Variants in CSPP1 observed in about 807,000 individuals in gnomAD.
The protein encoded by CSPP1 is centrosome and spindle pole-associated protein 1.
Under a neutral mutation model 164.4 loss-of-function variants are expected in CSPP1, and 126 were observed. The observed-to-expected ratio is 0.77, with a 90% CI of 0.66 to 0.89. The LOEUF (loss-of-function observed/expected upper bound fraction) is 0.89, where lower values mean the gene tolerates loss of function less well. Ranked by LOEUF, CSPP1 falls within the 40% of genes least tolerant of loss-of-function variation. CSPP1 has a pLI of 0.00. For synonymous variants in CSPP1, 472 were observed against 476.7 expected, an observed-to-expected ratio of 0.99 and a Z score of 0.13; for missense variants, 1,395 against 1,449.8, an observed-to-expected ratio of 0.96 and a Z score of 0.61.
intron 17 of CSPP1, among the ~76,000 whole-genome samples, chr8:67,139,757 A>C (rs1332173513): frequency 2.6e-5 from 4 of 151,944 alleles, no homozygotes; most frequent in African/African-American, 9.7e-5. Flanking sequence ...AAAACCAAAC[A>C]CCGCATGTTC....
In CSPP1 at chr8:67,095,524, G is replaced by T; in HGVS notation, c.715G>T (p.Val239Leu). 2.5e-6 allele frequency: 4 copies of T among 1,613,706 alleles called. No homozygotes were observed. The highest frequency in any genetic ancestry group is 3.4e-6 in the Non-Finnish European group (4 of 1,179,906). ...AATTATTAAAAAAGCAAATGAAGAA[G>T]TGGGCATTTCCAACCTAAAACATCA... Reference protein sequence around the residue: ...RRIIKKANEEVGISNLKHQRF... With the variant: ...RRIIKKANEELGISNLKHQRF... Residue 239 changes from valine to leucine, a missense_variant, in exon 7 of 31, where the codon GTG becomes TTG. Coordinates refer to ENST00000678616, the MANE Select transcript of CSPP1 (RefSeq NM_001382391.1).
chr8:67,136,181 T>G (rs944052992), intron 16 of CSPP1, among the ~76,000 whole-genome samples: 2 of 152,108 alleles, frequency 1.3e-5, no homozygotes, highest in Admixed American at 6.5e-5. Context: ...TACCAAAATG[T>G]GACACAGAGA....
intron 3 of CSPP1, among the ~76,000 whole-genome samples, chr8:67,077,857 C>T (rs1263654588): frequency 1.3e-5 from 2 of 152,190 alleles, no homozygotes; most frequent in Non-Finnish European, 2.9e-5. Context: ...TTTGTCTCTG[C>T]ATTAGACAAA....
chr8:67,078,864 T>C (rs898144057), intron 3 of CSPP1, among the ~76,000 whole-genome samples: 1 of 152,024 alleles, frequency 6.6e-6, no homozygotes, highest in Non-Finnish European at 1.5e-5. Flanking sequence ...TCCTAGCTAC[T>C]TGGGAGGCTG....
chr8:67,086,367 A>G, intron 4 of CSPP1: 1 of 481,714 alleles, frequency 2.1e-6, no homozygotes, highest in East Asian at 4.4e-5. Flanking sequence ...GAGATCGTTA[A>G]TTATGGTTTT....
chr8:67,153,907 A>G (rs921267450), intron 18 of CSPP1, 117 bp from the exon 19 acceptor site: 2 of 573,406 alleles, frequency 3.5e-6, no homozygotes, highest in Non-Finnish European at 6.1e-6. Flanking sequence ...TCTGATTTTA[A>G]TCTTTGGACT....
chr8:67,090,361 C>T (rs1418659679), intron 4 of CSPP1, among the ~76,000 whole-genome samples: 1 of 152,124 alleles, frequency 6.6e-6, no homozygotes, highest in Non-Finnish European at 1.5e-5. Flanking sequence ...TCTTGGCTTG[C>T]TGCAACCTCC....
At chr8:67,100,270 C>T (rs1813779033) in intron 7 of CSPP1, among the ~76,000 whole-genome samples, 1 of 152,120 alleles carries the variant, frequency 6.6e-6, no homozygotes, top group Admixed American at 6.5e-5. Context: ...TAAATAAAAT[C>T]ATTTCTTAAA....
At chr8:67,142,632 T>G (rs7018327) in intron 17 of CSPP1, among the ~76,000 whole-genome samples, 5,437 of 152,278 alleles carry the variant, frequency 0.036, 202 homozygotes, top group African/African-American at 0.082. Context: ...AAACATTCAC[T>G]TACAGATCTT....
chr8:67,186,986 T>C (rs978391350), intron 28 of CSPP1, among the ~76,000 whole-genome samples: 2 of 147,968 alleles, frequency 1.4e-5, no homozygotes, highest in African/African-American at 2.7e-5. Flanking sequence ...TCTATCTATC[T>C]ATCTATCTAT....
intron 24 of CSPP1, among the ~76,000 whole-genome samples, chr8:67,166,610 C>T (rs1257819690): frequency 1.3e-5 from 2 of 152,118 alleles, no homozygotes; most frequent in Non-Finnish European, 2.9e-5. Flanking sequence ...TAGGTCAATA[C>T]GTTCCAAGCA....
At chr8:67,069,461 A>G (rs1203229581) in intron 1 of CSPP1, among the ~76,000 whole-genome samples, 1 of 152,164 alleles carries the variant, frequency 6.6e-6, no homozygotes, top group Non-Finnish European at 1.5e-5. Context: ...ATGTTAAATA[A>G]TTACAGTAAA....
chr8:67,150,138 T>A (rs1340800329), intron 18 of CSPP1, among the ~76,000 whole-genome samples: 1 of 152,152 alleles, frequency 6.6e-6, no homozygotes, highest in Non-Finnish European at 1.5e-5. Context: ...TACTTCTTCC[T>A]ACTGTGTTTC....
intron 1 of CSPP1, 53 bp downstream of exon 1, chr8:67,064,591 G>C (rs1585742874): frequency 2.0e-6 from 3 of 1,493,158 alleles, no homozygotes; most frequent in African/African-American, 2.8e-5. Context: ...GGCTGCATTC[G>C]CTGCCCCGGA....
intron 3 of CSPP1, among the ~76,000 whole-genome samples, chr8:67,079,146 G>A (rs76814570): frequency 0.035 from 5,336 of 151,972 alleles, 196 homozygotes; most frequent in African/African-American, 0.08. Flanking sequence ...TACATTCCCC[G>A]AGTGTCCATA....
intron 28 of CSPP1, among the ~76,000 whole-genome samples, chr8:67,186,959 AATCTATCTATCATCT>A (rs1296231172): frequency 2.0e-5 from 3 of 148,282 alleles, no homozygotes; most frequent in African/African-American, 5.0e-5. Flanking sequence ...CTGAGGTATA[AATCTATCTATCATCT>A]ATCTATCTAT....
intron 28 of CSPP1, among the ~76,000 whole-genome samples, chr8:67,184,039 G>GACTAAAAAT (rs1184490406): frequency 6.6e-6 from 1 of 152,030 alleles, no homozygotes. Flanking sequence ...TTTTAGTAGA[G>GACTAAAAAT]ACGGGGTTTC....
chr8:67,081,234 G>C (rs999557899), intron 3 of CSPP1: 3 of 130,398 alleles, frequency 2.3e-5, no homozygotes, highest in Admixed American at 7.5e-5. Context: ...AATGATTTAC[G>C]TTGTTCGTGT....
intron 8 of CSPP1, among the ~76,000 whole-genome samples, chr8:67,105,696 A>C (rs1815356768): frequency 6.6e-6 from 1 of 152,088 alleles, no homozygotes; most frequent in African/African-American, 2.4e-5. Flanking sequence ...ATTATTATTA[A>C]TTTTTTAAGC....
Sources: gnomAD v4.1 joint callset for allele counts (sites outside exome capture counted in the v4.1 genomes callset) on GRCh38, gnomAD v4.1.1 for gene constraint, MANE v1.5 for transcripts, NCBI Gene and HGNC (gene_info 2026-07-23, HGNC 2026-07-21) for gene names.